POU6F2: variants seen among roughly 807,000 people sequenced by gnomAD.
The protein encoded by POU6F2 is POU class 6 homeobox 2.
In POU6F2, 31 loss-of-function variants were observed where a neutral mutation model predicts 71.3. The ratio of observed to expected loss-of-function variants is 0.43; its 90% confidence interval spans 0.33 to 0.59. The LOEUF (loss-of-function observed/expected upper bound fraction) is 0.59. Among genes scored for constraint, POU6F2 ranks in the 20% least tolerant of loss-of-function variants. POU6F2 has a pLI of 0.04. For missense variants in POU6F2, 783 were observed against 856.8 expected (o/e 0.91, Z 1.07); for synonymous variants, 347 against 355.7 (o/e 0.98, Z 0.27).
chr7:38,992,017 T>C lies in POU6F2; in HGVS notation c.105+13959T>C, dbSNP rs574504879. ...GCATTGCTAGAGACCACACAGGTTG[T>C]TGTTTTCTCTTCACACTCAGCATCT... is the stretch of plus-strand genomic sequence containing the variant. On this transcript the variant is annotated intron_variant, in intron 1 of 9. Transcript: ENST00000518318. Among the ~76,000 whole-genome samples, 3 of 152,256 alleles carry C rather than the reference T, an allele frequency of 2.0e-5. No individual in the cohort carries two copies. In the South Asian group the frequency reaches 6.2e-4, roughly 32 times the overall value.
intron 2 of POU6F2, among the ~76,000 whole-genome samples, chr7:39,101,510 T>C (rs1430224421): frequency 6.6e-6 from 1 of 151,928 alleles, no homozygotes; most frequent in Non-Finnish European, 1.5e-5. Context: ...ACATCTTCCT[T>C]CCTTGGGGTC....
At chr7:39,260,075 T>TAC (rs1344402467) in intron 4 of POU6F2, among the ~76,000 whole-genome samples, 1 of 147,902 alleles carries the variant, frequency 6.8e-6, no homozygotes, top group Admixed American at 6.7e-5. Context: ...ACACATACGA[T>TAC]ACACACACCA....
intron 5 of POU6F2, among the ~76,000 whole-genome samples, chr7:39,346,703 T>C (rs1465272771): frequency 6.6e-6 from 1 of 152,250 alleles, no homozygotes; most frequent in African/African-American, 2.4e-5. Context: ...CACTTTGCTC[T>C]GAATGAGCAG....
intron 4 of POU6F2, among the ~76,000 whole-genome samples, chr7:39,297,142 T>G (rs1055635996): frequency 2.0e-5 from 3 of 151,444 alleles, no homozygotes; most frequent in African/African-American, 7.3e-5. Flanking sequence ...ATTGTATTCT[T>G]TAGTGTTTAT....
At chr7:39,372,415 T>G (rs1430364102) in intron 5 of POU6F2, among the ~76,000 whole-genome samples, 2 of 152,208 alleles carry the variant, frequency 1.3e-5, no homozygotes, top group Non-Finnish European at 2.9e-5. Flanking sequence ...AATATATCTA[T>G]CTATACAATT....
At chr7:39,070,997 G>T (rs1562694011) in intron 1 of POU6F2, among the ~76,000 whole-genome samples, 4 of 152,130 alleles carry the variant, frequency 2.6e-5, no homozygotes, top group African/African-American at 7.2e-5. Flanking sequence ...TGGTTTCATG[G>T]AAGACAATTT....
chr7:39,186,120 A>G (rs753121782), intron 2 of POU6F2, among the ~76,000 whole-genome samples: 1 of 152,084 alleles, frequency 6.6e-6, no homozygotes, highest in African/African-American at 2.4e-5. Flanking sequence ...AATACGTTCC[A>G]CCTGGCAAGA....
intron 2 of POU6F2, among the ~76,000 whole-genome samples, chr7:39,151,672 C>A (rs913197320): frequency 1.3e-5 from 2 of 152,142 alleles, no homozygotes; most frequent in African/African-American, 4.8e-5. Context: ...TCAAATAAGG[C>A]AGATATATGG....
At chr7:39,152,892 A>G (rs752307358) in intron 2 of POU6F2, among the ~76,000 whole-genome samples, 10 of 152,200 alleles carry the variant, frequency 6.6e-5, no homozygotes, top group Non-Finnish European at 1.3e-4. Flanking sequence ...AAATCAACCT[A>G]GTGCTGCCTT....
chr7:39,322,589 C>T (rs1185351877), intron 4 of POU6F2, among the ~76,000 whole-genome samples: 1 of 152,212 alleles, frequency 6.6e-6, no homozygotes, highest in Admixed American at 6.5e-5. Flanking sequence ...TCTTTAACCA[C>T]ATTTCATATA....
intron 4 of POU6F2, among the ~76,000 whole-genome samples, chr7:39,231,436 T>G (rs1480120940): frequency 6.6e-6 from 1 of 152,198 alleles, no homozygotes; most frequent in Non-Finnish European, 1.5e-5. Context: ...ACATCATATT[T>G]AATCATCACA....
At chr7:39,163,887 A>G (rs961788097) in intron 2 of POU6F2, among the ~76,000 whole-genome samples, 1 of 152,188 alleles carries the variant, frequency 6.6e-6, no homozygotes, top group South Asian at 2.1e-4. Context: ...CAGAGGGACA[A>G]TATGTTAAAA....
At chr7:39,283,630 T>C (rs1186839214) in intron 4 of POU6F2, among the ~76,000 whole-genome samples, 1 of 152,234 alleles carries the variant, frequency 6.6e-6, no homozygotes, top group Non-Finnish European at 1.5e-5. Flanking sequence ...AATATTCCAT[T>C]GTATGTATAC....
At chr7:39,121,371 G>T (rs1006008547) in intron 2 of POU6F2, among the ~76,000 whole-genome samples, 1 of 152,176 alleles carries the variant, frequency 6.6e-6, no homozygotes, top group Admixed American at 6.5e-5. Context: ...CTTAGTAGAT[G>T]CTGGCTTTCA....
chr7:39,197,221 C>T (rs1793805913), intron 2 of POU6F2, among the ~76,000 whole-genome samples: 1 of 152,208 alleles, frequency 6.6e-6, no homozygotes, highest in South Asian at 2.1e-4. Flanking sequence ...TCCACTCTGC[C>T]CTTCTCAGGG....
chr7:39,297,817 A>G (rs1005560559), intron 4 of POU6F2, among the ~76,000 whole-genome samples: 3 of 152,226 alleles, frequency 2.0e-5, no homozygotes, highest in East Asian at 1.9e-4. Context: ...ATACAGATCA[A>G]TGGAACAAAA....
At chr7:39,057,975 G>T (rs1293179692) in intron 1 of POU6F2, among the ~76,000 whole-genome samples, 1 of 152,134 alleles carries the variant, frequency 6.6e-6, no homozygotes, top group East Asian at 1.9e-4. Flanking sequence ...CAGGCTCCTG[G>T]ATGACCAGAA....
At chr7:39,292,500 G>A (rs966594686) in intron 4 of POU6F2, among the ~76,000 whole-genome samples, 1 of 152,190 alleles carries the variant, frequency 6.6e-6, no homozygotes, top group Non-Finnish European at 1.5e-5. Flanking sequence ...AAATCAACAG[G>A]GGTGAAAAGT....
rs767635644 is a variant in POU6F2 at position 39,460,624 on chromosome 7, C to T, written c.1567C>T (p.Arg523Trp). The T allele has an allele frequency of 8.9e-5, 143 of 1,610,418 alleles. No homozygotes were observed. Among genetic ancestry groups the T allele is most frequent in the Non-Finnish European group, 1.1e-4 (135 of 1,178,388 alleles). Residue 523 changes from arginine (R) to tryptophan (W), a missense_variant, in exon 9 of 10, where the codon CGG (arginine) becomes TGG (tryptophan). Around this residue, in one of 2 missense-constraint regions of POU6F2, gnomAD observed 211 missense variants for 283.9 expected, o/e 0.74. Transcript: ENST00000518318. The surrounding 1 kb of genome is among the most constrained non-coding windows in gnomAD (Gnocchi z 4.4). Reference protein sequence around the residue: ...IREFAKAFKIRRLSLGLTQTQ... With the variant: ...IREFAKAFKIWRLSLGLTQTQ... ...AGAATTTGCCAAAGCTTTTAAAATC[C>T]GGCGCCTGTCCCTTGGCCTGACCCA...
Sources: allele counts gnomAD v4.1 joint callset (sites outside exome capture counted in the v4.1 genomes callset), GRCh38; gene constraint gnomAD v4.1.1; regional missense constraint gnomAD v4.1.1; non-coding constraint Gnocchi (gnomAD v3.1); transcripts MANE v1.5; gene names NCBI Gene and HGNC (gene_info 2026-07-23, HGNC 2026-07-21).